GRB10: variants seen among roughly 807,000 people sequenced by gnomAD.
The protein encoded by GRB10 is growth factor receptor bound protein 10.
In GRB10, 20 loss-of-function variants were observed where a neutral mutation model predicts 80.9. The ratio of observed to expected loss-of-function variants is 0.25; its 90% CI spans 0.17 to 0.36. GRB10 has a LOEUF of 0.36. Ranked by LOEUF, GRB10 falls within the 10% of genes least tolerant of loss-of-function variation. The pLI, the probability that GRB10 is intolerant of heterozygous loss-of-function variation, is 1.00. For missense variants in GRB10, 548 were observed against 747.7 expected (o/e 0.73, Z 3.12); for synonymous variants, 291 against 291.5 (o/e 1.00, Z 0.02).
chr7:50,722,211 T>A (rs2067867263), intron 4 of GRB10, among the ~76,000 whole-genome samples: 1 of 152,096 alleles, frequency 6.6e-6, no homozygotes, highest in African/African-American at 2.4e-5. Context: ...ACAGCCCCTC[T>A]GCCCTGCCCA....
At chr7:50,706,960 G>A (rs6961447) in intron 4 of GRB10, among the ~76,000 whole-genome samples, 6,360 of 152,288 alleles carry the variant, frequency 0.042, 450 homozygotes, top group African/African-American at 0.15. Flanking sequence ...CTCCCATGAC[G>A]AGCTTTTTAC....
intron 5 of GRB10, among the ~76,000 whole-genome samples, chr7:50,689,120 G>A (rs940674935): frequency 1.3e-5 from 2 of 152,178 alleles, no homozygotes; most frequent in African/African-American, 4.8e-5. Flanking sequence ...GTCACTGGGA[G>A]TGCCCCGTCC....
intron 5 of GRB10, among the ~76,000 whole-genome samples, chr7:50,700,630 A>G (rs535362500): frequency 1.3e-5 from 2 of 152,128 alleles, no homozygotes; most frequent in East Asian, 1.9e-4. Context: ...CCTTTGCAGC[A>G]TTGTATGACT....
chr7:50,603,237 G>A (rs991368605), intron 17 of GRB10, among the ~76,000 whole-genome samples: 1 of 152,130 alleles, frequency 6.6e-6, no homozygotes, highest in Non-Finnish European at 1.5e-5. Context: ...CCGCAGTGTC[G>A]GCCTTCTGTG....
chr7:50,635,364 T>A (rs1356362865), intron 7 of GRB10, among the ~76,000 whole-genome samples: 1 of 152,120 alleles, frequency 6.6e-6, no homozygotes, highest in East Asian at 1.9e-4. Flanking sequence ...ACCTCTGGAA[T>A]ACAGCAAAAG....
At chr7:50,676,341 G>GT (rs2060937215) in intron 5 of GRB10, among the ~76,000 whole-genome samples, 1 of 150,300 alleles carries the variant, frequency 6.7e-6, no homozygotes, top group Non-Finnish European at 1.5e-5. Context: ...CCACCGGGGG[G>GT]GGGGGGGGGT....
Position 50,716,782 on chromosome 7 carries a change from C to T in GRB10, c.52-12874G>A, listed in dbSNP as rs540065015. 9.8e-5 allele frequency among the ~76,000 whole-genome samples: 15 copies of T among 152,342 alleles called. No individual in the cohort carries two copies. In the East Asian group the frequency reaches 2.3e-3, roughly 23 times the overall value. Reference sequence around the variant, plus strand: ...CCAAAGACACACTGTGAGGCTCCCTCGCCCAACGGCTGGCGTGGTCTGGAG... The same window carrying T: ...CCAAAGACACACTGTGAGGCTCCCTTGCCCAACGGCTGGCGTGGTCTGGAG... On this transcript the variant is annotated intron_variant, in intron 4 of 18. Transcript: ENST00000401949.
intron 2 of GRB10, among the ~76,000 whole-genome samples, chr7:50,761,505 T>C (rs1054564681): frequency 6.6e-6 from 1 of 152,130 alleles, no homozygotes; most frequent in Non-Finnish European, 1.5e-5. Flanking sequence ...AAAAAGCATC[T>C]ATCCAAAACT....
intron 2 of GRB10, among the ~76,000 whole-genome samples, chr7:50,778,983 CA>C (rs2077994477): frequency 6.6e-6 from 1 of 152,140 alleles, no homozygotes; most frequent in Non-Finnish European, 1.5e-5. Context: ...AAACAAATGT[CA>C]AAGCAGGACA....
chr7:50,704,029 C>A (rs1384144797), intron 4 of GRB10, 121 bp from the exon 5 acceptor site: 2 of 689,294 alleles, frequency 2.9e-6, no homozygotes, highest in Admixed American at 4.1e-5. Flanking sequence ...TTTCCACTTA[C>A]TTACTTTTTC....
At chr7:50,792,747 G>C (rs181986615) in intron 1 of GRB10, 1 of 275,284 alleles carries the variant, frequency 3.6e-6, no homozygotes, top group Non-Finnish European at 6.7e-6. Context: ...CGCGCGCCGC[G>C]GCCCCGCCGC....
rs540112879 is a variant in GRB10, at chr7:50,684,589, C to A, written c.140-9931G>T. 4.9e-5 allele frequency among the ~76,000 whole-genome samples: 7 copies of A among 142,936 alleles called. No individual in the cohort carries two copies. The East Asian group carries it at 1.4e-3, about 28-fold the overall frequency. 93.8% of individuals were successfully genotyped at this position (142,936 alleles called of 152,430 possible). A position where few individuals can be genotyped will look rare whatever the true frequency, so the allele number is the denominator to read the frequency against. On this transcript the variant is annotated intron_variant, in intron 5 of 18. Transcript: ENST00000401949. ...TCTGCACCATAGAGCCTATACAACACAGGAAAACAAATTTTCCACTACCAA... is the reference window on the plus strand; with the variant it reads ...TCTGCACCATAGAGCCTATACAACAAAGGAAAACAAATTTTCCACTACCAA...
At chr7:50,764,972 T>C (rs1046703634) in intron 2 of GRB10, among the ~76,000 whole-genome samples, 2 of 152,092 alleles carry the variant, frequency 1.3e-5, no homozygotes, top group Non-Finnish European at 2.9e-5. Flanking sequence ...AACAATTCCA[T>C]AGCAAAAAAA....
At chr7:50,644,399 G>A (rs1289071318) in intron 7 of GRB10, among the ~76,000 whole-genome samples, 1 of 152,160 alleles carries the variant, frequency 6.6e-6, no homozygotes, top group African/African-American at 2.4e-5. Context: ...GGGAAGGGAC[G>A]TAGCACCCGC....
At chr7:50,757,201 G>A (rs183326544) in intron 2 of GRB10, among the ~76,000 whole-genome samples, 8 of 152,258 alleles carry the variant, frequency 5.3e-5, no homozygotes, top group South Asian at 4.2e-4. Flanking sequence ...ACCCCTTAGC[G>A]GCTGATGTCT....
rs150354677 is a variant in GRB10, at chr7:50,765,151, T to G, written c.-216-9095A>C. On this transcript the variant is annotated intron_variant, in intron 2 of 18. Transcript: ENST00000401949. ...CATCTCACCCCAGTTAAAATGACTATTATCAAAAAGGGAATAATGGATACT... is the reference window on the plus strand; with the variant it reads ...CATCTCACCCCAGTTAAAATGACTAGTATCAAAAAGGGAATAATGGATACT... 9.2e-5 allele frequency among the ~76,000 whole-genome samples: 14 copies of G among 152,208 alleles called. No individual in the cohort carries two copies. In the East Asian group the frequency reaches 2.5e-3, roughly 27 times the overall value.
chr7:50,611,792 C>T (rs2049578013), intron 13 of GRB10, among the ~76,000 whole-genome samples: 2 of 152,146 alleles, frequency 1.3e-5, no homozygotes, highest in African/African-American at 4.8e-5. Context: ...GCTCAAAGGC[C>T]ACTACAGTTC....
Position 50,629,344 on chromosome 7 carries a change from T to C in GRB10, c.505-2366A>G, listed in dbSNP as rs570324397. The stretch of plus-strand genomic sequence containing the variant: ...CCACAGCCATCCCCCCAAAGGTCTA[T>C]AAATAGCCCGGGTATTAAAAGCTGA... On this transcript the variant is annotated intron_variant, in intron 7 of 18. Transcript: ENST00000401949. 2.6e-5 allele frequency among the ~76,000 whole-genome samples: 4 copies of C among 152,266 alleles called. No individual in the cohort carries two copies. The South Asian group carries it at 8.3e-4, about 32-fold the overall frequency.
chr7:50,626,381 A>T (rs549147268), intron 8 of GRB10, among the ~76,000 whole-genome samples: 2 of 152,204 alleles, frequency 1.3e-5, no homozygotes, highest in African/African-American at 2.4e-5. Context: ...TTTGCTGCCT[A>T]TAACCATGGC....
Sources: gnomAD v4.1 joint callset for allele counts (sites outside exome capture counted in the v4.1 genomes callset) on GRCh38, gnomAD v4.1.1 for gene constraint, MANE v1.5 for transcripts, NCBI Gene and HGNC (gene_info 2026-07-23, HGNC 2026-07-21) for gene names.